Variants in CDH12 observed in about 807,000 individuals in gnomAD.
CDH12 encodes the protein cadherin-12.
CDH12 carries 41 observed loss-of-function variants against 74.1 expected under a neutral mutation model. The observed-to-expected ratio is 0.55, with a 90% CI of 0.43 to 0.72. CDH12 has a LOEUF of 0.72. Among genes scored for constraint, CDH12 ranks in the 30% least tolerant of loss-of-function variants. The pLI is 0.00. For synonymous variants in CDH12, 399 were observed against 355.0 expected (o/e 1.12, Z -1.39); for missense variants, 945 against 977.2 (o/e 0.97, Z 0.44).
chr5:22,157,815 C>T (rs866252235), intron 4 of CDH12, among the ~76,000 whole-genome samples: 98 of 152,128 alleles, frequency 6.4e-4, no homozygotes, highest in Middle Eastern at 3.4e-3. Flanking sequence ...CTTTAATATG[C>T]TAATTTAAAT....
chr5:21,991,998 C>T (rs1191792207), intron 5 of CDH12, among the ~76,000 whole-genome samples: 2 of 151,580 alleles, frequency 1.3e-5, no homozygotes, highest in Non-Finnish European at 2.9e-5. Flanking sequence ...TAATCTTAAT[C>T]CCAAAGATAA....
intron 1 of CDH12, among the ~76,000 whole-genome samples, chr5:22,623,020 G>C (rs888026859): frequency 6.6e-6 from 1 of 152,076 alleles, no homozygotes; most frequent in Admixed American, 6.6e-5. Context: ...TTCAACATAC[G>C]CAAATCAATA....
intron 6 of CDH12, among the ~76,000 whole-genome samples, chr5:21,903,265 G>A (rs1202431025): frequency 6.6e-6 from 1 of 152,150 alleles, no homozygotes; most frequent in Non-Finnish European, 1.5e-5. Context: ...GGAAATTGGA[G>A]AGTTACTAGA....
chr5:22,320,893 G>T (rs1327442631), intron 3 of CDH12, among the ~76,000 whole-genome samples: 2 of 152,154 alleles, frequency 1.3e-5, no homozygotes, highest in Admixed American at 1.3e-4. Context: ...CCTGAAGTGG[G>T]GGTCAGAACA....
intron 1 of CDH12, among the ~76,000 whole-genome samples, chr5:22,579,432 T>C (rs764240197): frequency 2.6e-5 from 4 of 152,190 alleles, no homozygotes; most frequent in Non-Finnish European, 5.9e-5. Flanking sequence ...TAACAGTGAA[T>C]AGTTCCCTCA....
intron 6 of CDH12, among the ~76,000 whole-genome samples, chr5:21,924,298 C>G (rs1754489335): frequency 6.6e-6 from 1 of 152,006 alleles, no homozygotes; most frequent in South Asian, 2.1e-4. Flanking sequence ...AAGGCCGAGG[C>G]CGAGGTCAGG....
At chr5:22,353,559 T>C (rs549511299) in intron 3 of CDH12, among the ~76,000 whole-genome samples, 1 of 152,274 alleles carries the variant, frequency 6.6e-6, no homozygotes, top group African/African-American at 2.4e-5. Context: ...AAATAGTTTA[T>C]TATTTTAAAT....
At chr5:21,948,360 A>G (rs1561320780) in intron 6 of CDH12, among the ~76,000 whole-genome samples, 1 of 152,228 alleles carries the variant, frequency 6.6e-6, no homozygotes, top group Non-Finnish European at 1.5e-5. Flanking sequence ...CATGCCCTGG[A>G]TGTGAAACAT....
At chr5:21,935,286 A>C (rs1194756855) in intron 6 of CDH12, among the ~76,000 whole-genome samples, 3 of 152,188 alleles carry the variant, frequency 2.0e-5, no homozygotes, top group Non-Finnish European at 4.4e-5. Flanking sequence ...TATTAAAAAT[A>C]TAATACTAGT....
rs1746509661 is a variant in CDH12, at chr5:22,484,515, A to G, written c.-428+20755T>C. On this transcript the variant is annotated intron_variant, in intron 2 of 14. Coordinates refer to ENST00000382254, the MANE Select transcript of CDH12 (RefSeq NM_004061.5). ...CATAATGAGAATTGTGCAGCCAGTA[A>G]ACACTGAATGTGGAAGGAAAGACGA... Among the ~76,000 whole-genome samples, 3 of 152,218 alleles carry G rather than the reference A, an allele frequency of 2.0e-5. No homozygotes were observed. In the South Asian group the frequency reaches 6.2e-4, roughly 32 times the overall value.
intron 4 of CDH12, among the ~76,000 whole-genome samples, chr5:22,153,193 T>TTA: frequency 6.6e-6 from 1 of 151,274 alleles, no homozygotes; most frequent in Non-Finnish European, 1.5e-5. Context: ...CTTTTTTTTT[T>TTA]TTTTTAGAAA....
chr5:22,723,693 T>C (rs1357924922), intron 1 of CDH12, among the ~76,000 whole-genome samples: 2 of 152,056 alleles, frequency 1.3e-5, no homozygotes, highest in Non-Finnish European at 2.9e-5. Context: ...GAAAAGCTAG[T>C]TTATTTTCCC....
At chr5:22,273,821 T>C (rs1013109668) in intron 3 of CDH12, among the ~76,000 whole-genome samples, 5 of 152,188 alleles carry the variant, frequency 3.3e-5, no homozygotes, top group Non-Finnish European at 5.9e-5. Flanking sequence ...CTCATGCATC[T>C]TTCTTCCACT....
chr5:21,963,052 G>T (rs2883639), intron 6 of CDH12, among the ~76,000 whole-genome samples: 6 of 152,000 alleles, frequency 3.9e-5, no homozygotes, highest in Admixed American at 3.9e-4. Context: ...GCAGCTCTCA[G>T]ATAACAATCA....
At chr5:22,049,281 A>G (rs1225607493) in intron 5 of CDH12, among the ~76,000 whole-genome samples, 13 of 152,134 alleles carry the variant, frequency 8.5e-5, no homozygotes, top group Non-Finnish European at 1.5e-5. Flanking sequence ...ATTTGTAAAA[A>G]TTATTTCTAT....
chr5:22,255,537 T>A (rs1036272005), intron 3 of CDH12, among the ~76,000 whole-genome samples: 8 of 151,702 alleles, frequency 5.3e-5, no homozygotes, highest in Non-Finnish European at 1.0e-4. Context: ...AAAATAAAAG[T>A]TGACCAAATA....
chr5:22,835,351 C>T lies in CDH12; in HGVS notation c.-523+17707G>A, dbSNP rs541163379. On this transcript the variant is annotated intron_variant, in intron 1 of 14. Transcript: ENST00000382254. ...GTAAAATATGGAAAACTAGGATATCCTAAAGGAAATATTGCAGATGGGAAG... is the reference window on the plus strand; with the variant it reads ...GTAAAATATGGAAAACTAGGATATCTTAAAGGAAATATTGCAGATGGGAAG... 2.0e-3 allele frequency among the ~76,000 whole-genome samples: 298 copies of T among 152,154 alleles called. 2 individuals are homozygous for T. Among genetic ancestry groups the T allele is most frequent in the African/African-American group, 7.0e-3 (292 of 41,544 alleles).
At chr5:22,307,873 GTTT>G (rs35242143) in intron 3 of CDH12, among the ~76,000 whole-genome samples, 12 of 68,672 alleles carry the variant, frequency 1.7e-4, no homozygotes, top group African/African-American at 5.2e-4. Context: ...CTTTCTTTTA[GTTT>G]TTTTTTTTTT....
At chr5:22,745,367 A>C (rs1041912500) in intron 1 of CDH12, among the ~76,000 whole-genome samples, 1 of 152,126 alleles carries the variant, frequency 6.6e-6, no homozygotes, top group Non-Finnish European at 1.5e-5. Context: ...CATTGAAGTT[A>C]TATAATCTAA....
Sources: gnomAD v4.1 joint callset for allele counts (sites outside exome capture counted in the v4.1 genomes callset) on GRCh38, gnomAD v4.1.1 for gene constraint, MANE v1.5 for transcripts, NCBI Gene and HGNC (gene_info 2026-07-23, HGNC 2026-07-21) for gene names.